The following UGT1A10 variants were observed in gnomAD, a reference collection of about 807,000 sequenced individuals.
UGT1A10 encodes UDP-glucuronosyltransferase 1A10.
Under a neutral mutation model 45.8 loss-of-function variants are expected in UGT1A10, and 49 were observed. The observed-to-expected ratio is 1.07, with a 90% CI of 0.85 to 1.36. UGT1A10 has a LOEUF of 1.36. UGT1A10 is among the 40% of genes most tolerant of loss of function. The probability of loss-of-function intolerance (pLI) is 0.00; values close to 1 mark genes in which losing one functional copy is unlikely to be tolerated. For synonymous variants in UGT1A10, 284 were observed against 249.7 expected (o/e 1.14, Z -1.29); for missense variants, 745 against 668.6 (o/e 1.11, Z -1.26).
At chr2:233,711,700 C>G (rs1349335285) in intron 1 of UGT1A10, among the ~76,000 whole-genome samples, 7 of 152,188 alleles carry the variant, frequency 4.6e-5, no homozygotes, top group African/African-American at 1.2e-4. Flanking sequence ...GTAACTTCCT[C>G]CCTAAGGGAA....
At position 233,672,059 on chromosome 2, in the gene UGT1A10, G is replaced by A. The variant is rs756014976; in HGVS notation, c.855+34682G>A. 8.2e-5 allele frequency: 133 copies of A among 1,614,052 alleles called. No homozygotes were observed. In the Admixed American group the frequency reaches 2.1e-3, roughly 25 times the overall value. On this transcript the variant is annotated intron_variant, in intron 1 of 4. Transcript: ENST00000344644. ...GATGGGAGCCACTGGTTCACCATGA[G>A]GTCGGTGGTGGAGAAACTCATTCTC...
intron 1 of UGT1A10, chr2:233,761,110 G>A: frequency 1.9e-6 from 3 of 1,614,198 alleles, no homozygotes; most frequent in African/African-American, 1.3e-5. Context: ...TATGGTTTTT[G>A]TTGGTGGAAT....
At position 233,682,363 on chromosome 2, in the gene UGT1A10, T is replaced by A. The variant is rs771594973; in HGVS notation, c.855+44986T>A. 78 of 1,614,020 alleles carry A rather than the reference T, an allele frequency of 4.8e-5. No individual in the cohort carries two copies. Among genetic ancestry groups the A allele is most frequent in the Non-Finnish European group, 6.4e-5 (75 of 1,179,982 alleles). On this transcript the variant is annotated intron_variant, in intron 1 of 4. Coordinates refer to ENST00000344644, the MANE Select transcript of UGT1A10 (RefSeq NM_019075.4). The stretch of plus-strand genomic sequence containing the variant: ...TAGAATACTTAAAGGAGAGTTGTTT[T>A]GATGCAGTGTTTCTCGATCCTTTTG...
chr2:233,747,555 G>A, intron 1 of UGT1A10: 1 of 1,599,236 alleles, frequency 6.3e-7, no homozygotes, highest in Non-Finnish European at 8.6e-7. Flanking sequence ...TAAAAGTATG[G>A]CAATTTTGAA....
intron 1 of UGT1A10, among the ~76,000 whole-genome samples, chr2:233,694,485 A>G (rs2075222976): frequency 6.6e-6 from 1 of 152,214 alleles, no homozygotes; most frequent in South Asian, 2.1e-4. Context: ...CTGACCTAAG[A>G]CAAGTGTTTA....
chr2:233,672,374 T>C (rs2125502075), intron 1 of UGT1A10: 2 of 1,614,170 alleles, frequency 1.2e-6, no homozygotes, highest in South Asian at 1.1e-5. Flanking sequence ...GCAGTGTTTC[T>C]CGATCCTTTT....
In UGT1A10 at chr2:233,728,656, G is replaced by C. The variant is rs187762667; in HGVS notation, c.856-38378G>C. Among the ~76,000 whole-genome samples, 9 of 152,298 alleles carry C rather than the reference G, an allele frequency of 5.9e-5. No homozygotes were observed. In the East Asian group the frequency reaches 1.4e-3, roughly 23 times the overall value. On this transcript the variant is annotated intron_variant, in intron 1 of 4. Coordinates refer to ENST00000344644, the MANE Select transcript of UGT1A10 (RefSeq NM_019075.4). ...GCAATGTTGTATGGTTTTTGGATGC[G>C]CTGCGTTACTCATACATGAGAAGAA...
intron 1 of UGT1A10, among the ~76,000 whole-genome samples, chr2:233,707,679 A>G (rs2075981057): frequency 6.6e-6 from 1 of 151,910 alleles, no homozygotes; most frequent in Admixed American, 6.6e-5. Flanking sequence ...TCTACTGTTG[A>G]TGGGCTTTGG....
At chr2:233,715,779 TA>T (rs1348568984) in intron 1 of UGT1A10, among the ~76,000 whole-genome samples, 1 of 152,020 alleles carries the variant, frequency 6.6e-6, no homozygotes, top group Non-Finnish European at 1.5e-5. Context: ...CTCAAAAAAA[TA>T]AAAATTTATT....
At chr2:233,712,764 G>T (rs1312823466) in intron 1 of UGT1A10, among the ~76,000 whole-genome samples, 1 of 152,224 alleles carries the variant, frequency 6.6e-6, no homozygotes, top group Non-Finnish European at 1.5e-5. Flanking sequence ...CGAGCGCAAG[G>T]TCAGATGAGT....
At chr2:233,640,287 T>A (rs753702451) in intron 1 of UGT1A10, among the ~76,000 whole-genome samples, 21 of 152,120 alleles carry the variant, frequency 1.4e-4, no homozygotes, top group Non-Finnish European at 2.8e-4. Flanking sequence ...TGTTTTGCTG[T>A]ATTAATTCAT....
At chr2:233,748,178 G>T (rs1693885819) in intron 1 of UGT1A10, 1 of 1,580,774 alleles carries the variant, frequency 6.3e-7, no homozygotes, top group Non-Finnish European at 8.6e-7. Context: ...TATCTTTCTG[G>T]TGCTTTTATT....
chr2:233,701,410 C>G (rs905245248), intron 1 of UGT1A10, among the ~76,000 whole-genome samples: 1 of 152,020 alleles, frequency 6.6e-6, no homozygotes, highest in African/African-American at 2.4e-5. Flanking sequence ...CTTTAACACC[C>G]CACTGTCAAC....
chr2:233,636,550 G>A lies in UGT1A10; in HGVS notation c.28G>A (p.Val10Ile), dbSNP rs749394452. The stretch of plus-strand genomic sequence containing the variant: ...GGCTCGCGCAGGGTGGACCAGCCCC[G>A]TTCCTTTATGTGTGTGTCTACTGCT... The part of the protein sequence containing the change: MARAGWTSP[V>I]PLCVCLLLTC... Residue 10 changes from valine to isoleucine, a missense_variant, in exon 1 of 5, where the codon GTT becomes ATT. Coordinates refer to ENST00000344644, the MANE Select transcript of UGT1A10 (RefSeq NM_019075.4). 42 of 1,614,102 alleles carry A rather than the reference G, an allele frequency of 2.6e-5. No individual in the cohort carries two copies. Among genetic ancestry groups the A allele is most frequent in the Admixed American group, 2.3e-4 (14 of 60,020 alleles).
At chr2:233,724,154 G>T (rs1327662182) in intron 1 of UGT1A10, among the ~76,000 whole-genome samples, 4 of 77,654 alleles carry the variant, frequency 5.2e-5, no homozygotes, top group Admixed American at 3.5e-4. Flanking sequence ...CTGGCCGGGT[G>T]GGGGGGCTGA....
At chr2:233,766,252 CGCT>C (rs1699078846) in intron 1 of UGT1A10, among the ~76,000 whole-genome samples, 1 of 151,626 alleles carries the variant, frequency 6.6e-6, no homozygotes, top group Non-Finnish European at 1.5e-5. Flanking sequence ...GGAGTCAGAC[CGCT>C]CAGTGGCCCG....
chr2:233,754,665 AT>A (rs752229414), intron 1 of UGT1A10: 3 of 465,408 alleles, frequency 6.4e-6, no homozygotes, highest in South Asian at 1.5e-5. Flanking sequence ...CTTGGTGGTG[AT>A]TTTTTTACCA....
chr2:233,760,172 C>T (rs1421203838), intron 1 of UGT1A10: 1 of 1,533,858 alleles, frequency 6.5e-7, no homozygotes, highest in Admixed American at 1.9e-5. Flanking sequence ...TGTGGACTGA[C>T]AGCTTTTTAT....
At chr2:233,732,694 G>A (rs2078300923) in intron 1 of UGT1A10, among the ~76,000 whole-genome samples, 1 of 150,038 alleles carries the variant, frequency 6.7e-6, no homozygotes, top group Non-Finnish European at 1.5e-5. Flanking sequence ...CACCCATGCT[G>A]TTTTGTTACT....
Sources: allele counts gnomAD v4.1 joint callset (sites outside exome capture counted in the v4.1 genomes callset), GRCh38; gene constraint gnomAD v4.1.1; transcripts MANE v1.5; gene names NCBI Gene and HGNC (gene_info 2026-07-23, HGNC 2026-07-21).